Variants in TAB2 observed in about 807,000 individuals in gnomAD.
The protein encoded by TAB2 is TGF-beta-activated kinase 1 and MAP3K7-binding protein 2.
In TAB2, 3 loss-of-function variants were observed where a neutral mutation model predicts 65.0. That is an observed-to-expected ratio of 0.05 (90% confidence interval 0.02 to 0.12). The LOEUF is 0.12. Among genes scored for constraint, TAB2 ranks in the 10% least tolerant of loss-of-function variants. The pLI is 1.00. For missense variants in TAB2, 623 were observed against 840.3 expected, an observed-to-expected ratio of 0.74 and a Z score of 3.20; for synonymous variants, 298 against 285.1, an observed-to-expected ratio of 1.05 and a Z score of -0.46.
intron 1 of TAB2, among the ~76,000 whole-genome samples, chr6:149,254,412 C>T (rs147120134): frequency 6.6e-6 from 1 of 152,232 alleles, no homozygotes; most frequent in Non-Finnish European, 1.5e-5. Context: ...TTCTTGCCAC[C>T]GAAAGCACTC....
intron 1 of TAB2, among the ~76,000 whole-genome samples, chr6:149,325,774 A>G (rs1423342383): frequency 5.9e-5 from 9 of 152,232 alleles, no homozygotes; most frequent in African/African-American, 1.4e-4. Flanking sequence ...GTGTCTCGCT[A>G]TGTTGCCCAG....
chr6:149,321,958 A>G (rs529014697), intron 1 of TAB2, among the ~76,000 whole-genome samples: 8 of 152,284 alleles, frequency 5.3e-5, no homozygotes, highest in African/African-American at 1.9e-4. Context: ...TGTGTAATGT[A>G]AAACTTTAAT....
Position 149,378,970 on chromosome 6 carries a change from C to G in TAB2, c.1055C>G (p.Ser352Cys), listed in dbSNP as rs1183909922. ...TCTGGACCTCGAACCTCCAGCACTT[C>G]CTCTTCAGTCAATAGCCAGACCTTA... ...RSSGPRTSSTSSSVNSQTLNR... is the reference protein window; with the variant it reads ...RSSGPRTSSTCSSVNSQTLNR... Residue 352 changes from serine (S) to cysteine (C), a missense_variant, in exon 3 of 7, where the codon TCC becomes TGC. Physicochemically the swap from Ser to Cys is moderately radical, Grantham distance 112 (BLOSUM62 -1). Around this residue, in one of 3 missense-constraint regions of TAB2, gnomAD observed 550 missense variants for 665.7 expected, o/e 0.83. Transcript: ENST00000637181. 2 of 1,614,188 alleles carry G rather than the reference C, an allele frequency of 1.2e-6. No homozygotes were observed. Among genetic ancestry groups the G allele is most frequent in the African/African-American group, 1.3e-5 (1 of 75,042 alleles).
intron 1 of TAB2, among the ~76,000 whole-genome samples, chr6:149,343,488 G>C (rs778074474): frequency 6.6e-6 from 1 of 151,674 alleles, no homozygotes; most frequent in Non-Finnish European, 1.5e-5. Context: ...AAAAAAAAAG[G>C]TTAATATATT....
intron 1 of TAB2, among the ~76,000 whole-genome samples, chr6:149,257,818 C>A (rs1221333715): frequency 6.6e-6 from 1 of 151,964 alleles, no homozygotes; most frequent in Non-Finnish European, 1.5e-5. Context: ...GGGAGCAAGA[C>A]AAGCACAAGC....
chr6:149,260,733 G>A (rs184579144), intron 1 of TAB2, among the ~76,000 whole-genome samples: 1 of 152,218 alleles, frequency 6.6e-6, no homozygotes, highest in Non-Finnish European at 1.5e-5. Flanking sequence ...AAGGGAGCCT[G>A]CTGGGTGCTG....
chr6:149,398,993 T>A, intron 5 of TAB2, 111 bp from the exon 6 acceptor site: 1 of 921,248 alleles, frequency 1.1e-6, no homozygotes, highest in Non-Finnish European at 1.7e-6. Context: ...GCAAAATAAA[T>A]GAAAAGCATT....
At chr6:149,320,682 G>T (rs1357911809) in intron 1 of TAB2, among the ~76,000 whole-genome samples, 2 of 148,324 alleles carry the variant, frequency 1.3e-5, no homozygotes, top group South Asian at 2.1e-4. Flanking sequence ...ATTTTTTTTT[G>T]AGTTATATAA....
intron 1 of TAB2, among the ~76,000 whole-genome samples, chr6:149,326,551 TA>T (rs201734268): frequency 0.27 from 18,162 of 67,872 alleles, 1,623 homozygotes; most frequent in East Asian, 0.57. Flanking sequence ...TTTTTGTTAT[TA>T]TTTTTTTTTT....
intron 1 of TAB2, among the ~76,000 whole-genome samples, chr6:149,357,476 T>G (rs1780704029): frequency 7.4e-6 from 1 of 135,720 alleles, no homozygotes; most frequent in Non-Finnish European, 1.6e-5. Flanking sequence ...CATTTTAGCC[T>G]TGATGGATAT....
At chr6:149,308,994 G>A (rs1779119765) in intron 1 of TAB2, among the ~76,000 whole-genome samples, 1 of 147,502 alleles carries the variant, frequency 6.8e-6, no homozygotes, top group Non-Finnish European at 1.5e-5. Context: ...AGCCTCTAGT[G>A]TAATGCCTGA....
chr6:149,239,696 G>C (rs1777562044), intron 1 of TAB2, among the ~76,000 whole-genome samples: 1 of 152,160 alleles, frequency 6.6e-6, no homozygotes, highest in Non-Finnish European at 1.5e-5. Flanking sequence ...TCCTGAACTT[G>C]GCACTTGGTT....
At chr6:149,325,872 T>G (rs1260257179) in intron 1 of TAB2, among the ~76,000 whole-genome samples, 2 of 152,174 alleles carry the variant, frequency 1.3e-5, no homozygotes, top group East Asian at 3.8e-4. Flanking sequence ...TCCAAGTAGC[T>G]GGGATTACAG....
intron 6 of TAB2, 132 bp from the exon 7 acceptor site, chr6:149,409,445 G>C (rs1030034930): frequency 1.3e-6 from 1 of 760,316 alleles, no homozygotes; most frequent in Non-Finnish European, 2.2e-6. Context: ...ATGTGTGTCA[G>C]TGTCAGCTAG....
At position 149,379,109 on chromosome 6, in the gene TAB2, A is replaced by G; in HGVS notation, c.1194A>G (p.Glu398=). ...CAGCGAATGCTGCCACAGGAGATGAACAGGTCATGCGGAATCAGCCCACAC... is the reference window on the plus strand; with the variant it reads ...CAGCGAATGCTGCCACAGGAGATGAGCAGGTCATGCGGAATCAGCCCACAC... ...YISANAATGD[E]QVMRNQPTLF... Residue 398 remains glutamate (E), a synonymous_variant, in exon 3 of 7, where the codon GAA becomes GAG. Coordinates refer to ENST00000637181, the MANE Select transcript of TAB2 (RefSeq NM_001292034.3). 1 of 1,614,184 alleles carries G rather than the reference A, an allele frequency of 6.2e-7. No homozygotes were observed. Among genetic ancestry groups the G allele is most frequent in the Non-Finnish European group, 8.5e-7 (1 of 1,180,036 alleles).
intron 1 of TAB2, among the ~76,000 whole-genome samples, chr6:149,309,042 T>C (rs2114710115): frequency 6.6e-6 from 1 of 152,282 alleles, no homozygotes; most frequent in African/African-American, 2.4e-5. Flanking sequence ...ATGGAATGAC[T>C]GACCTTGCTC....
intron 1 of TAB2, among the ~76,000 whole-genome samples, chr6:149,279,868 T>C (rs1353353768): frequency 6.6e-6 from 1 of 152,182 alleles, no homozygotes; most frequent in African/African-American, 2.4e-5. Flanking sequence ...TTCCCCCTTC[T>C]GTGCTCCTCA....
At chr6:149,266,345 A>AC (rs1430600473) in intron 1 of TAB2, among the ~76,000 whole-genome samples, 1 of 152,170 alleles carries the variant, frequency 6.6e-6, no homozygotes, top group Non-Finnish European at 1.5e-5. Context: ...GAACAGAAGC[A>AC]TTCTGGTCCA....
intron 1 of TAB2, among the ~76,000 whole-genome samples, chr6:149,265,743 G>A (rs879676466): frequency 3.3e-5 from 5 of 152,150 alleles, no homozygotes; most frequent in Non-Finnish European, 5.9e-5. Context: ...AGCCCCACGC[G>A]CGAGCCTGCC....
Sources: allele counts gnomAD v4.1 joint callset (sites outside exome capture counted in the v4.1 genomes callset), GRCh38; gene constraint gnomAD v4.1.1; regional missense constraint gnomAD v4.1.1; transcripts MANE v1.5; gene names NCBI Gene and HGNC (gene_info 2026-07-23, HGNC 2026-07-21).